Variants in HERC1 observed in about 807,000 individuals in gnomAD.
HERC1 encodes HECT and RLD domain containing E3 ubiquitin protein ligase family member 1.
Under a neutral mutation model 554.3 loss-of-function variants are expected in HERC1, and 160 were observed. That is an observed-to-expected ratio of 0.29 (90% CI 0.25 to 0.33). HERC1 has a LOEUF of 0.33. HERC1 is among the 10% of genes least tolerant of loss of function. The pLI, the probability that HERC1 is intolerant of heterozygous loss-of-function variation, is 1.00. For synonymous variants in HERC1, 2,175 were observed against 2,131.7 expected (o/e 1.02, Z -0.56); for missense variants, 4,919 against 5,918.5 (o/e 0.83, Z 5.54).
At chr15:63,814,765 G>A (rs908017154) in intron 1 of HERC1, among the ~76,000 whole-genome samples, 2 of 152,130 alleles carry the variant, frequency 1.3e-5, no homozygotes, top group East Asian at 1.9e-4. Context: ...CACCACACAC[G>A]GCCAACATTA....
At position 63,680,613 on chromosome 15, in the gene HERC1, C is replaced by G; in HGVS notation, c.6389G>C (p.Ser2130Thr). ...GGTAATGAAATCTCCTTGAGTAAAGCTGGACAATGTGAGAGTCTGTTCTCC... is the reference window on the plus strand; with the variant it reads ...GGTAATGAAATCTCCTTGAGTAAAGGTGGACAATGTGAGAGTCTGTTCTCC... ...HNGEQTLTLS[S>T]FTQGDFITCV... The change falls in exon 35 of 78, where the codon AGC becomes ACC. Residue 2130 changes from serine to threonine, a missense_variant. Around this residue, in one of 11 missense-constraint regions of HERC1, gnomAD observed 85 missense variants for 163.2 expected, o/e 0.52. Coordinates refer to ENST00000443617, the MANE Select transcript of HERC1 (RefSeq NM_003922.4). The surrounding 1 kb of genome is among the most constrained non-coding windows in gnomAD (Gnocchi z 5.8). The G allele has an allele frequency of 6.2e-7, 1 of 1,613,746 alleles. No homozygotes were observed. Among genetic ancestry groups the G allele is most frequent in the African/African-American group, 1.3e-5 (1 of 75,032 alleles).
At chr15:63,829,590 T>TA (rs1434488597) in intron 1 of HERC1, among the ~76,000 whole-genome samples, 1 of 136,712 alleles carries the variant, frequency 7.3e-6, no homozygotes, top group East Asian at 2.0e-4. Flanking sequence ...TATATATATA[T>TA]ATATAATATA....
In HERC1 at chr15:63,749,292, T is replaced by G. The variant is rs1344304214; in HGVS notation, c.2219+75A>C. On this transcript the variant is annotated intron_variant, in intron 10 of 77. Coordinates refer to ENST00000443617, the MANE Select transcript of HERC1 (RefSeq NM_003922.4). This position sits in a 1 kb window ranked among gnomAD's most constrained non-coding sequence, Gnocchi z 4.1. ...ATGAACAAAGCACAATTATTTCTGT[T>G]TTTATTAGTGTTTCTACTTTTTATT... 6 of 1,134,166 alleles carry G rather than the reference T, an allele frequency of 5.3e-6. No homozygotes were observed. Among genetic ancestry groups the G allele is most frequent in the Non-Finnish European group, 7.5e-6 (6 of 796,876 alleles). 70.3% of individuals were successfully genotyped at this position (1,134,166 alleles called of 1,614,324 possible). A position where few individuals can be genotyped will look rare whatever the true frequency, so the allele number is the denominator to read the frequency against.
At chr15:63,619,493 G>C (rs2067973785) in intron 74 of HERC1, among the ~76,000 whole-genome samples, 1 of 152,152 alleles carries the variant, frequency 6.6e-6, no homozygotes, top group Non-Finnish European at 1.5e-5. Context: ...TTTGGTTTCA[G>C]GATGATGCTG....
At chr15:63,719,027 T>G (rs914154428) in intron 19 of HERC1, 130 bp from the exon 20 acceptor site, 2 of 624,306 alleles carry the variant, frequency 3.2e-6, no homozygotes, top group Non-Finnish European at 5.5e-6. Flanking sequence ...CAAATGCACC[T>G]CATTAGATCC....
chr15:63,743,063 T>C (rs940525774), intron 12 of HERC1, among the ~76,000 whole-genome samples: 53 of 152,198 alleles, frequency 3.5e-4, no homozygotes, highest in African/African-American at 1.2e-3. Flanking sequence ...TCTTAATCCT[T>C]CTTTAAATAT....
chr15:63,680,004 A>G lies in HERC1; in HGVS notation c.6549+73T>C. 1.9e-6 allele frequency: 2 copies of G among 1,034,600 alleles called. No individual in the cohort carries two copies. Among genetic ancestry groups the G allele is most frequent in the Admixed American group, 2.2e-5 (1 of 46,166 alleles). The allele number at this position is 1,034,600 out of a possible 1,614,324, so 64.1% of individuals were successfully genotyped here. On this transcript the variant is annotated intron_variant, in intron 36 of 77. Transcript: ENST00000443617. This position sits in a 1 kb window ranked among gnomAD's most constrained non-coding sequence, Gnocchi z 5.8. ...AATGGCAGAAGAAATAGCTTATTAT[A>G]TTTATAAACTCTATCTGATGCTAAA...
Position 63,716,333 on chromosome 15 carries a change from CTCCTCTTCA to C in HERC1, c.4110_4118del (p.Asp1370_Glu1372del). On this transcript the variant is annotated inframe_deletion, in exon 22 of 78. Transcript: ENST00000443617. ...CTGTCATCACTTCATGTTCCCGTTC[CTCCTCTTCA>C]TCCTCTGGCTCCGGATGCCCCTCTT... The C allele has an allele frequency of 6.2e-7, 1 of 1,613,728 alleles. No individual in the cohort carries two copies. Among genetic ancestry groups the C allele is most frequent in the Admixed American group, 1.7e-5 (1 of 59,988 alleles).
Position 63,674,621 on chromosome 15 carries a change from G to A in HERC1, c.7567C>T (p.Leu2523Phe). 6.2e-7 allele frequency: 1 copy of A among 1,613,232 alleles called. No homozygotes were observed. The highest frequency in any genetic ancestry group is 8.5e-7 in the Non-Finnish European group (1 of 1,179,500). Residue 2523 changes from leucine (L) to phenylalanine (F), a missense_variant, in exon 38 of 78, where the codon CTT (leucine) becomes TTT (phenylalanine). This residue lies in a region of HERC1 where 1,963 missense variants were observed against 2,228.6 expected (regional missense o/e 0.88). Coordinates refer to ENST00000443617, the MANE Select transcript of HERC1 (RefSeq NM_003922.4). ...LGAMKSLSAL[L>F]GCSKYAELLL... is the part of the protein sequence containing the mutation. ...AGCTCAGCATATTTACTACAGCCAA[G>A]AAGGGCACTAAGTGACTTCATAGCA...
Position 63,690,651 on chromosome 15 carries a change from G to A in HERC1, c.5831-4C>T. 1 of 1,524,274 alleles carries A rather than the reference G, an allele frequency of 6.6e-7. No homozygotes were observed. The highest frequency in any genetic ancestry group is 9.1e-7 in the Non-Finnish European group (1 of 1,104,138). 94.4% of individuals were successfully genotyped at this position (1,524,274 alleles called of 1,614,324 possible). ...AAGTTACCAACCAGAGGGATACCTG[G>A]AGGGGAAAAGACCTTTTCTTATTAT... On this transcript the variant is annotated splice_region_variant and splice_polypyrimidine_tract_variant and intron_variant, in intron 31 of 77. Coordinates refer to ENST00000443617, the MANE Select transcript of HERC1 (RefSeq NM_003922.4).
chr15:63,704,615 A>G (rs1387924317), intron 25 of HERC1, among the ~76,000 whole-genome samples: 1 of 152,200 alleles, frequency 6.6e-6, no homozygotes, highest in Non-Finnish European at 1.5e-5. Context: ...CTGTTCCAAA[A>G]ATTTAATTCC....
At position 63,690,597 on chromosome 15, in the gene HERC1, G is replaced by A. The variant is rs958386963; in HGVS notation, c.5881C>T (p.Leu1961Phe). 31 of 1,613,274 alleles carry A rather than the reference G, an allele frequency of 1.9e-5. No homozygotes were observed. The highest frequency in any genetic ancestry group is 2.7e-5 in the African/African-American group (2 of 74,894). The change falls in exon 32 of 78, where the codon CTT (leucine) becomes TTT (phenylalanine). Residue 1961 changes from leucine to phenylalanine, a missense_variant. Leu to Phe is a conservative substitution (Grantham distance 22, BLOSUM62 0). This residue lies in a region of HERC1 where 1,121 missense variants were observed against 1,244.0 expected (regional missense o/e 0.90). Coordinates refer to ENST00000443617, the MANE Select transcript of HERC1 (RefSeq NM_003922.4). ...TCACAAGCTGGCAGCACAGCTTCAA[G>A]GACATGAAGTGCAAGGAGCCTTGTT... ...LRTRLLALHV[L>F]EAVLPACESG...
chr15:63,750,826 G>T (rs557041780), intron 8 of HERC1, among the ~76,000 whole-genome samples: 63 of 152,222 alleles, frequency 4.1e-4, no homozygotes, highest in African/African-American at 1.4e-3. Context: ...CCAGCTACTC[G>T]GGAGCTGGGA....
Position 63,695,251 on chromosome 15 carries a change from G to A in HERC1, c.5122-357C>T, listed in dbSNP as rs946017359. 7.9e-5 allele frequency among the ~76,000 whole-genome samples: 12 copies of A among 152,214 alleles called. No homozygotes were observed. In the East Asian group the frequency reaches 1.9e-3, roughly 24 times the overall value. On this transcript the variant is annotated intron_variant, in intron 27 of 77. Transcript: ENST00000443617. The stretch of plus-strand genomic sequence containing the variant: ...AGGGTTTCGCCATATTGTCCAGGCG[G>A]GTTTTAAACTCCTGAGCTCAAGCAA...
At chr15:63,739,515 G>A (rs2074701080) in intron 12 of HERC1, among the ~76,000 whole-genome samples, 1 of 151,858 alleles carries the variant, frequency 6.6e-6, no homozygotes, top group African/African-American at 2.4e-5. Flanking sequence ...TATTGCTATG[G>A]ACTTGCTTAC....
intron 19 of HERC1, among the ~76,000 whole-genome samples, 178 bp from the exon 20 acceptor site, chr15:63,719,075 C>T (rs2073693654): frequency 6.6e-6 from 1 of 152,098 alleles, no homozygotes; most frequent in African/African-American, 2.4e-5. Context: ...TAGCAGTGAA[C>T]AAAACTAAAT....
intron 8 of HERC1, among the ~76,000 whole-genome samples, chr15:63,750,159 G>T (rs1457976045): frequency 2.6e-5 from 4 of 152,108 alleles, no homozygotes; most frequent in Non-Finnish European, 5.9e-5. Context: ...CACTATTCCG[G>T]TGAGATTTAA....
chr15:63,770,685 T>C (rs1160513323), intron 2 of HERC1, among the ~76,000 whole-genome samples: 5 of 152,212 alleles, frequency 3.3e-5, no homozygotes, highest in African/African-American at 4.8e-5. Flanking sequence ...AATTTACCGA[T>C]TGAACTTATT....
intron 44 of HERC1, 94 bp from the exon 45 acceptor site, chr15:63,662,115 A>G (rs2070388179): frequency 8.3e-7 from 1 of 1,210,140 alleles, no homozygotes; most frequent in Middle Eastern, 2.0e-4. Flanking sequence ...ACTTTATTAC[A>G]TATGCTAGAA....
Sources: gnomAD v4.1 joint callset for allele counts (sites outside exome capture counted in the v4.1 genomes callset) on GRCh38, gnomAD v4.1.1 for gene constraint, gnomAD v4.1.1 regional missense constraint, Gnocchi (gnomAD v3.1) non-coding constraint, MANE v1.5 for transcripts, NCBI Gene and HGNC (gene_info 2026-07-23, HGNC 2026-07-21) for gene names.